The following CDH13 variants were observed in gnomAD, a reference collection of about 807,000 sequenced individuals.
The protein encoded by CDH13 is cadherin-13.
In CDH13, 24 loss-of-function variants were observed where a neutral mutation model predicts 63.8. That is an observed-to-expected ratio of 0.38 (90% CI 0.27 to 0.53). The LOEUF is 0.53. Ranked by LOEUF, CDH13 falls within the 20% of genes least tolerant of loss-of-function variation. The pLI, the probability that CDH13 is intolerant of heterozygous loss-of-function variation, is 0.85. For synonymous variants in CDH13, 503 were observed against 355.3 expected (o/e 1.42, Z -4.67); for missense variants, 1,049 against 903.1 (o/e 1.16, Z -2.07).
chr16:82,673,588 C>T (rs1913550775), intron 1 of CDH13, among the ~76,000 whole-genome samples: 1 of 152,196 alleles, frequency 6.6e-6, no homozygotes, highest in South Asian at 2.1e-4. Flanking sequence ...CCATGAAAGT[C>T]ATGAAAGGGA....
intron 7 of CDH13, among the ~76,000 whole-genome samples, chr16:83,544,194 G>A (rs893358496): frequency 6.6e-6 from 1 of 152,200 alleles, no homozygotes; most frequent in Non-Finnish European, 1.5e-5. Flanking sequence ...CAGAAGAGGA[G>A]TCTCCAGCAC....
intron 7 of CDH13, among the ~76,000 whole-genome samples, chr16:83,533,783 G>A (rs2075132651): frequency 6.6e-6 from 1 of 151,850 alleles, no homozygotes; most frequent in South Asian, 2.1e-4. Context: ...ACCACGCCCA[G>A]CTAATTTTTG....
intron 1 of CDH13, among the ~76,000 whole-genome samples, chr16:82,784,354 T>C (rs557523337): frequency 6.6e-6 from 1 of 152,262 alleles, no homozygotes; most frequent in South Asian, 2.1e-4. Flanking sequence ...GTGGCAGACA[T>C]TGTCCCCATC....
chr16:83,255,533 C>T (rs926759259), intron 5 of CDH13, among the ~76,000 whole-genome samples: 2 of 152,292 alleles, frequency 1.3e-5, no homozygotes, highest in East Asian at 1.9e-4. Flanking sequence ...CTACGTGTCC[C>T]GCAGACTTGA....
chr16:82,996,282 C>CCCTCT (rs1912193875), intron 2 of CDH13, among the ~76,000 whole-genome samples: 1 of 152,054 alleles, frequency 6.6e-6, no homozygotes, highest in African/African-American at 2.4e-5. Flanking sequence ...AAAGAGTAAA[C>CCCTCT]CCTCTTCCTC....
At chr16:83,014,804 G>GTA (rs1234603835) in intron 2 of CDH13, among the ~76,000 whole-genome samples, 4,890 of 52,150 alleles carry the variant, frequency 0.094, 315 homozygotes, top group African/African-American at 0.17. Flanking sequence ...ATATATATAT[G>GTA]TATATATATT....
At chr16:83,727,484 C>T (rs1910546273) in intron 10 of CDH13, among the ~76,000 whole-genome samples, 1 of 151,606 alleles carries the variant, frequency 6.6e-6, no homozygotes, top group African/African-American at 2.4e-5. Context: ...CTTCTGCTTG[C>T]TTTATTTAGT....
chr16:82,941,288 A>C (rs112135290), intron 2 of CDH13, among the ~76,000 whole-genome samples: 1 of 152,220 alleles, frequency 6.6e-6, no homozygotes, highest in Admixed American at 6.5e-5. Flanking sequence ...TGTTAACTGC[A>C]TGCCAACTGG....
intron 5 of CDH13, among the ~76,000 whole-genome samples, chr16:83,271,529 C>G (rs202023605): frequency 9.2e-6 from 1 of 108,632 alleles, no homozygotes; most frequent in East Asian, 2.6e-4. Flanking sequence ...ACAACAACAA[C>G]AAAAAAAAAC....
At chr16:83,136,491 A>G (rs77100414) in intron 4 of CDH13, among the ~76,000 whole-genome samples, 1 of 151,128 alleles carries the variant, frequency 6.6e-6, no homozygotes, top group African/African-American at 2.4e-5. Context: ...GTCTCCAAAA[A>G]AAAAAAAAAA....
rs67312035 is a variant in CDH13, at chr16:83,043,490, AGTGTGTGTGT to A, written c.366+11301_366+11310del. Among the ~76,000 whole-genome samples, 797 of 132,228 alleles carry A rather than the reference AGTGTGTGTGT, an allele frequency of 6.0e-3. 9 individuals are homozygous for A. In the East Asian group the frequency reaches 0.07, roughly 12 times the overall value. The allele number at this position is 132,228 out of a possible 152,430, so 86.7% of individuals were successfully genotyped here. ...AATTTATATAATAACTGTATATATG[AGTGTGTGTGT>A]GTGTGTGTGTGTGTGTGTGTGTGTG... On this transcript the variant is annotated intron_variant, in intron 3 of 13. Transcript: ENST00000567109.
In CDH13 at chr16:82,719,120, G is replaced by A. The variant is rs187757138; in HGVS notation, c.45+91983G>A. Among the ~76,000 whole-genome samples, 41 of 152,292 alleles carry A rather than the reference G, an allele frequency of 2.7e-4. 2 individuals are homozygous for A. The East Asian group carries it at 3.9e-3, about 14-fold the overall frequency. On this transcript the variant is annotated intron_variant, in intron 1 of 13. Coordinates refer to ENST00000567109, the MANE Select transcript of CDH13 (RefSeq NM_001257.5). ...GTGAAAGTTATTTGCAGTTTGTGAA[G>A]TCCTGTGGAAAGGTTGTTGCTGTTT...
intron 1 of CDH13, chr16:82,825,135 G>C (rs2038180476): frequency 6.6e-6 from 1 of 152,150 alleles, no homozygotes; most frequent in East Asian, 1.9e-4. Flanking sequence ...ATGTTTTCTT[G>C]AACTCTCCAA....
At chr16:82,944,698 A>G (rs1476194719) in intron 2 of CDH13, among the ~76,000 whole-genome samples, 4 of 152,146 alleles carry the variant, frequency 2.6e-5, no homozygotes, top group African/African-American at 9.7e-5. Flanking sequence ...GTACCTGCCC[A>G]TTACTGCTCC....
At position 82,814,334 on chromosome 16, in the gene CDH13, T is replaced by C. The variant is rs533194119; in HGVS notation, c.46-44028T>C. Among the ~76,000 whole-genome samples, 39 of 152,210 alleles carry C rather than the reference T, an allele frequency of 2.6e-4. 1 individual carries two copies. The highest frequency in any genetic ancestry group is 8.4e-4 in the African/African-American group (35 of 41,554). ...GCTGGGCTCCTGGATACCCCCAGGATGGGTGCTGGTTTCCAGGGGAATCAA... is the reference window on the plus strand; with the variant it reads ...GCTGGGCTCCTGGATACCCCCAGGACGGGTGCTGGTTTCCAGGGGAATCAA... On this transcript the variant is annotated intron_variant, in intron 1 of 13. Coordinates refer to ENST00000567109, the MANE Select transcript of CDH13 (RefSeq NM_001257.5).
At chr16:83,461,283 G>A (rs11149571) in intron 6 of CDH13, among the ~76,000 whole-genome samples, 67,376 of 151,840 alleles carry the variant, frequency 0.44, 15,253 homozygotes, top group Middle Eastern at 0.52. Flanking sequence ...AAAAGAGGAA[G>A]TATCAGCTAT....
chr16:83,185,135 C>T (rs975739682), intron 4 of CDH13, among the ~76,000 whole-genome samples: 4 of 152,090 alleles, frequency 2.6e-5, no homozygotes. Flanking sequence ...CCTAAGGGTC[C>T]TACAGCTGGT....
intron 5 of CDH13, among the ~76,000 whole-genome samples, chr16:83,271,868 G>A (rs1057420784): frequency 6.6e-6 from 1 of 152,154 alleles, no homozygotes; most frequent in Non-Finnish European, 1.5e-5. Flanking sequence ...AACAATTTAT[G>A]TTCAAGCCTC....
intron 10 of CDH13, among the ~76,000 whole-genome samples, chr16:83,702,308 A>G (rs1567529708): frequency 6.6e-6 from 1 of 152,154 alleles, no homozygotes; most frequent in Non-Finnish European, 1.5e-5. Flanking sequence ...TCAAATCTCA[A>G]TGGCTTAACA....
Sources: allele counts gnomAD v4.1 joint callset (sites outside exome capture counted in the v4.1 genomes callset), GRCh38; gene constraint gnomAD v4.1.1; transcripts MANE v1.5; gene names NCBI Gene and HGNC (gene_info 2026-07-23, HGNC 2026-07-21).